Variants in CMIP observed in about 807,000 individuals in gnomAD.
The protein encoded by CMIP is C-Maf-inducing protein.
A neutral mutation model predicts 97.3 loss-of-function variants in CMIP; 13 were observed. That is an observed-to-expected ratio of 0.13 (90% CI 0.09 to 0.21). The LOEUF (loss-of-function observed/expected upper bound fraction) is 0.21. Ranked by LOEUF, CMIP falls within the 10% of genes least tolerant of loss-of-function variation. CMIP has a pLI of 1.00. For missense variants in CMIP, 847 were observed against 1,024.9 expected, an observed-to-expected ratio of 0.83 and a Z score of 2.37; for synonymous variants, 538 against 436.3, an observed-to-expected ratio of 1.23 and a Z score of -2.91.
At chr16:81,575,475 G>A (rs754510495) in intron 1 of CMIP, among the ~76,000 whole-genome samples, 2 of 152,148 alleles carry the variant, frequency 1.3e-5, no homozygotes, top group Admixed American at 6.5e-5. Flanking sequence ...AGTCGAGTCC[G>A]TAGATCATCT....
At chr16:81,603,271 CGG>C (rs1425173778) in intron 1 of CMIP, 1 of 389,142 alleles carries the variant, frequency 2.6e-6, no homozygotes, top group Non-Finnish European at 5.1e-6. Context: ...TTAGTAGAGA[CGG>C]GGTTTCACCA....
chr16:81,689,287 G>A (rs1057118192), intron 10 of CMIP, among the ~76,000 whole-genome samples: 16 of 152,212 alleles, frequency 1.1e-4, no homozygotes, highest in African/African-American at 3.6e-4. Flanking sequence ...GTGTAAAAGT[G>A]TTCCTATTTC....
chr16:81,445,537 C>T lies in CMIP; in HGVS notation c.296C>T (p.Ala99Val), dbSNP rs1332740299. 24 of 1,546,772 alleles carry T rather than the reference C, an allele frequency of 1.6e-5. No homozygotes were observed. Among genetic ancestry groups the T allele is most frequent in the Non-Finnish European group, 1.8e-5 (21 of 1,146,494 alleles). ...LTLADNSLAS[A>V]TPTGYMENSV... Reference sequence around the variant, plus strand: ...CTGGCCGACAACAGCCTGGCGTCCGCCACGGTGAGTGGCTCTGCGCGGCTG... The same window carrying T: ...CTGGCCGACAACAGCCTGGCGTCCGTCACGGTGAGTGGCTCTGCGCGGCTG... Residue 99 changes from alanine (A) to valine (V), a missense_variant, in exon 1 of 21, where the codon GCC (alanine) becomes GTC (valine). Ala to Val is a moderately conservative substitution (Grantham distance 64, BLOSUM62 0). Transcript: ENST00000537098.
intron 4 of CMIP, among the ~76,000 whole-genome samples, chr16:81,653,340 G>A (rs577893769): frequency 3.3e-5 from 5 of 152,306 alleles, no homozygotes; most frequent in African/African-American, 9.6e-5. Flanking sequence ...GCCGCTGCCC[G>A]TGGGACGGGG....
chr16:81,591,761 T>C (rs550262419), intron 1 of CMIP, among the ~76,000 whole-genome samples: 5 of 151,790 alleles, frequency 3.3e-5, no homozygotes, highest in African/African-American at 1.2e-4. Flanking sequence ...ATTGTCAGAA[T>C]GAACCCACTG....
At chr16:81,563,036 G>A (rs2090914846) in intron 1 of CMIP, among the ~76,000 whole-genome samples, 1 of 152,194 alleles carries the variant, frequency 6.6e-6, no homozygotes, top group African/African-American at 2.4e-5. Flanking sequence ...CCAGTGGGCA[G>A]GAATCTCACG....
chr16:81,701,851 G>C (rs1285313294), intron 16 of CMIP, 51 bp downstream of exon 16: 11 of 1,607,676 alleles, frequency 6.8e-6, no homozygotes, highest in South Asian at 2.2e-5. Context: ...GGCCAGGGGG[G>C]GCCAGGGCGG....
intron 2 of CMIP, chr16:81,611,449 GC>G (rs1487946451): frequency 6.6e-6 from 1 of 152,550 alleles, no homozygotes; most frequent in Non-Finnish European, 1.5e-5. Context: ...GAGGGCTAGT[GC>G]CCCTTCCCTA....
At position 81,453,924 on chromosome 16, in the gene CMIP, T is replaced by C. The variant is rs535596286; in HGVS notation, c.300+8383T>C. 4.6e-5 allele frequency among the ~76,000 whole-genome samples: 7 copies of C among 152,300 alleles called. No individual in the cohort carries two copies. The South Asian group carries it at 1.4e-3, about 32-fold the overall frequency. On this transcript the variant is annotated intron_variant, in intron 1 of 20. Transcript: ENST00000537098. This position sits in a 1 kb window ranked among gnomAD's most constrained non-coding sequence, Gnocchi z 4.0. ...CAGGGGAAGACTTGGGAACATGGTT[T>C]ACATGTGCGTCTGGGAGGAAGAGGA... is the stretch of plus-strand genomic sequence containing the variant.
chr16:81,506,093 C>G (rs2089704151), intron 1 of CMIP, among the ~76,000 whole-genome samples: 1 of 152,244 alleles, frequency 6.6e-6, no homozygotes, highest in Non-Finnish European at 1.5e-5. Flanking sequence ...CACGTTGTCT[C>G]TATTCATCCT....
At chr16:81,554,498 G>A (rs1438603238) in intron 1 of CMIP, among the ~76,000 whole-genome samples, 1 of 152,154 alleles carries the variant, frequency 6.6e-6, no homozygotes, top group Non-Finnish European at 1.5e-5. Flanking sequence ...CTGCAGAACC[G>A]TTCACAACAC....
intron 1 of CMIP, among the ~76,000 whole-genome samples, chr16:81,449,511 C>T (rs796395588): frequency 3.9e-5 from 6 of 152,330 alleles, no homozygotes; most frequent in African/African-American, 1.4e-4. Flanking sequence ...AAATCTATGT[C>T]CTCCAGGGTA....
At chr16:81,705,062 C>T (rs1165393860) in intron 18 of CMIP, among the ~76,000 whole-genome samples, 1 of 152,102 alleles carries the variant, frequency 6.6e-6, no homozygotes, top group Admixed American at 6.5e-5. Flanking sequence ...ATGAAGGGGC[C>T]TTCACTGCAC....
intron 7 of CMIP, chr16:81,665,645 AAGGGTAAC>A (rs1460181051): frequency 2.0e-5 from 3 of 152,186 alleles, no homozygotes; most frequent in Non-Finnish European, 4.4e-5. Context: ...ACAACTGAAA[AAGGGTAAC>A]CACACATCAT....
intron 1 of CMIP, among the ~76,000 whole-genome samples, chr16:81,494,872 G>C (rs1253544323): frequency 6.6e-6 from 1 of 152,194 alleles, no homozygotes; most frequent in East Asian, 1.9e-4. Flanking sequence ...CTACTTGCCA[G>C]GTGCTTTCTC....
chr16:81,661,818 A>G (rs190835145), intron 6 of CMIP, among the ~76,000 whole-genome samples: 2 of 152,068 alleles, frequency 1.3e-5, no homozygotes, highest in Admixed American at 1.3e-4. Flanking sequence ...AAAGGGAGAC[A>G]AGATTCAGTT....
At chr16:81,462,596 A>G (rs1356704571) in intron 1 of CMIP, among the ~76,000 whole-genome samples, 1 of 152,162 alleles carries the variant, frequency 6.6e-6, no homozygotes, top group East Asian at 1.9e-4. Flanking sequence ...TGGTCCCTGC[A>G]GCGTTTTCTG....
At chr16:81,617,687 C>G (rs1353612594) in intron 2 of CMIP, 2 of 152,284 alleles carry the variant, frequency 1.3e-5, no homozygotes, top group Non-Finnish European at 2.9e-5. Context: ...TTCATTCGTT[C>G]CAGTGTAACC....
intron 3 of CMIP, among the ~76,000 whole-genome samples, chr16:81,632,663 C>A (rs1216031040): frequency 6.6e-6 from 1 of 152,228 alleles, no homozygotes; most frequent in Non-Finnish European, 1.5e-5. Context: ...GCCCAGGCCT[C>A]GCAGCCCCCC....
Sources: allele counts gnomAD v4.1 joint callset (sites outside exome capture counted in the v4.1 genomes callset), GRCh38; gene constraint gnomAD v4.1.1; non-coding constraint Gnocchi (gnomAD v3.1); transcripts MANE v1.5; gene names NCBI Gene and HGNC (gene_info 2026-07-23, HGNC 2026-07-21).